SPRY3: variants seen among roughly 807,000 people sequenced by gnomAD.
SPRY3 encodes protein sprouty homolog 3.
A neutral mutation model predicts 20.2 loss-of-function variants in SPRY3; 15 were observed. The ratio of observed to expected loss-of-function variants is 0.74; its 90% CI spans 0.50 to 1.14. SPRY3 has a LOEUF of 1.14. Ranked by LOEUF, SPRY3 falls within the 50% of genes most tolerant of loss-of-function variation. The pLI, the probability that SPRY3 is intolerant of heterozygous loss-of-function variation, is 0.00. For synonymous variants in SPRY3, 143 were observed against 136.5 expected, an observed-to-expected ratio of 1.05 and a Z score of -0.33; for missense variants, 364 against 363.9, an observed-to-expected ratio of 1.00 and a Z score of 0.00.
intron 2 of SPRY3, among the ~76,000 whole-genome samples, chrX:155,675,740 G>T (rs782718464): frequency 1.8e-5 from 2 of 111,674 alleles, no homozygotes; most frequent in Non-Finnish European, 3.8e-5. Context: ...TGTGCCAAGA[G>T]TGCATAAAAT....
intron 2 of SPRY3, among the ~76,000 whole-genome samples, chrX:155,763,751 C>G (rs1241510482): frequency 6.6e-6 from 1 of 152,154 alleles, no homozygotes; most frequent in Non-Finnish European, 1.5e-5. Flanking sequence ...GATCTCAATT[C>G]CTCTTTGAAT....
In SPRY3 at chrX:155,720,436, A is replaced by C. The variant is rs774506491; in HGVS notation, c.-281-47526A>C. 2.0e-5 allele frequency among the ~76,000 whole-genome samples: 3 copies of C among 152,220 alleles called. No individual in the cohort carries two copies. In the South Asian group the frequency reaches 6.2e-4, roughly 32 times the overall value. ...TGCCACCTGCTGATTGTAGAGACCC[A>C]TGGTCTTGAGCAAGCATAGGCATTA... On this transcript the variant is annotated intron_variant, in intron 2 of 3. Coordinates refer to ENST00000675360, the Ensembl canonical transcript of SPRY3.
intron 2 of SPRY3, among the ~76,000 whole-genome samples, chrX:155,758,833 C>G (rs2091293179): frequency 6.6e-6 from 1 of 152,086 alleles, no homozygotes; most frequent in Admixed American, 6.6e-5. Context: ...AAAGTTGGTT[C>G]TTTATGTCTA....
chrX:155,633,870 C>A (rs1557350730), intron 1 of SPRY3, among the ~76,000 whole-genome samples: 1 of 111,547 alleles, frequency 9.0e-6, no homozygotes, highest in Admixed American at 9.5e-5. Context: ...CAAGAACTTC[C>A]CATTAGTAAC....
intron 2 of SPRY3, among the ~76,000 whole-genome samples, chrX:155,658,352 A>G (rs184277722): frequency 2.1e-4 from 23 of 111,946 alleles, no homozygotes; most frequent in Admixed American, 4.7e-4. Context: ...TGTGTCATCT[A>G]TGATTTCTTT....
At chrX:155,730,059 A>G (rs2091123285) in intron 2 of SPRY3, among the ~76,000 whole-genome samples, 2 of 151,998 alleles carry the variant, frequency 1.3e-5, no homozygotes, top group South Asian at 2.1e-4. Flanking sequence ...AAAGTCTCCC[A>G]GCACAGAAAT....
At chrX:155,685,322 C>T (rs1294409213) in intron 2 of SPRY3, among the ~76,000 whole-genome samples, 2 of 109,954 alleles carry the variant, frequency 1.8e-5, no homozygotes, top group African/African-American at 6.6e-5. Context: ...GCTCTATCTT[C>T]AAGTTCACTG....
intron 1 of SPRY3, among the ~76,000 whole-genome samples, chrX:155,619,089 G>A (rs1209110894): frequency 3.7e-5 from 2 of 54,063 alleles, no homozygotes; most frequent in Non-Finnish European, 4.7e-5. Flanking sequence ...TTGCGCTTTA[G>A]ATGTCAAGTC....
chrX:155,614,364 A>G (rs1299272080), intron 1 of SPRY3, among the ~76,000 whole-genome samples: 2 of 112,340 alleles, frequency 1.8e-5, no homozygotes, highest in Non-Finnish European at 3.8e-5. Context: ...GAGCTCACTT[A>G]AAGCTAAGCT....
At chrX:155,625,531 T>A in intron 1 of SPRY3, among the ~76,000 whole-genome samples, 1 of 111,657 alleles carries the variant, frequency 9.0e-6, no homozygotes, top group Middle Eastern at 4.6e-3. Context: ...CTTCCTTACT[T>A]TTTTTCTTGT....
chrX:155,700,148 A>G (rs1478102822), intron 2 of SPRY3, among the ~76,000 whole-genome samples: 7 of 108,761 alleles, frequency 6.4e-5, no homozygotes, highest in Non-Finnish European at 1.3e-4. Flanking sequence ...TTGAATAAAC[A>G]TTTCTCCAAA....
intron 2 of SPRY3, among the ~76,000 whole-genome samples, chrX:155,750,573 T>C (rs1444709388): frequency 6.6e-6 from 1 of 151,978 alleles, no homozygotes; most frequent in African/African-American, 2.4e-5. Context: ...ATCAACCATG[T>C]AAATGATACC....
intron 2 of SPRY3, among the ~76,000 whole-genome samples, chrX:155,705,151 GT>G (rs1178223061): frequency 5.9e-5 from 9 of 151,298 alleles, no homozygotes; most frequent in Non-Finnish European, 1.3e-4. Context: ...ATAACTCACT[GT>G]CTAAAGAAAA....
intron 2 of SPRY3, among the ~76,000 whole-genome samples, chrX:155,706,722 A>C (rs2090953997): frequency 6.6e-6 from 1 of 151,108 alleles, no homozygotes; most frequent in South Asian, 2.1e-4. Context: ...CTTTATATTC[A>C]CAAATGGAAC....
At chrX:155,613,173 CTCCTCCCGAG>C (rs1266011644) in intron 1 of SPRY3, among the ~76,000 whole-genome samples, 1 of 112,281 alleles carries the variant, frequency 8.9e-6, no homozygotes, top group East Asian at 2.8e-4. Flanking sequence ...CATTTCAGTG[CTCCTCCCGAG>C]TCCTCCCACT....
At chrX:155,717,419 G>A (rs1183155969) in intron 2 of SPRY3, among the ~76,000 whole-genome samples, 1 of 151,944 alleles carries the variant, frequency 6.6e-6, no homozygotes, top group Non-Finnish European at 1.5e-5. Context: ...TTTAAGTTCT[G>A]GGATACACGT....
intron 1 of SPRY3, among the ~76,000 whole-genome samples, chrX:155,647,811 G>A (rs191094260): frequency 9.0e-6 from 1 of 111,623 alleles, no homozygotes; most frequent in Admixed American, 9.5e-5. Flanking sequence ...TAATTTTTTG[G>A]TATATACCCA....
chrX:155,764,418 T>A (rs2091316469), intron 2 of SPRY3, among the ~76,000 whole-genome samples: 1 of 152,232 alleles, frequency 6.6e-6, no homozygotes, highest in African/African-American at 2.4e-5. Context: ...TTTCTGTATA[T>A]AATTGTACTA....
intron 2 of SPRY3, among the ~76,000 whole-genome samples, chrX:155,672,921 T>C (rs1186718088): frequency 9.5e-6 from 1 of 105,798 alleles, no homozygotes; most frequent in Admixed American, 1.0e-4. Context: ...TGTAGGGACA[T>C]GGATGAAATT....
Sources: gnomAD v4.1 joint callset for allele counts (sites outside exome capture counted in the v4.1 genomes callset) on GRCh38, gnomAD v4.1.1 for gene constraint, MANE v1.5 for transcripts, NCBI Gene and HGNC (gene_info 2026-07-23, HGNC 2026-07-21) for gene names.